Variants in STOX2 observed in about 807,000 individuals in gnomAD.
STOX2 encodes storkhead box 2.
In STOX2, 28 loss-of-function variants were observed where a neutral mutation model predicts 60.9. The ratio of observed to expected loss-of-function variants is 0.46; its 90% CI spans 0.34 to 0.63. The LOEUF is 0.63. Among genes scored for constraint, STOX2 ranks in the 30% least tolerant of loss-of-function variants. STOX2 has a pLI of 0.01. For synonymous variants in STOX2, 472 were observed against 463.9 expected (o/e 1.02, Z -0.22); for missense variants, 1,024 against 1,187.7 (o/e 0.86, Z 2.03).
At chr4:183,974,927 A>G (rs1471578066) in intron 1 of STOX2, among the ~76,000 whole-genome samples, 6 of 152,204 alleles carry the variant, frequency 3.9e-5, no homozygotes, top group Admixed American at 3.3e-4. Flanking sequence ...ATTCAGAAAA[A>G]TAGATGACAG....
chr4:183,858,644 C>T (rs956446990), intron 1 of STOX2, among the ~76,000 whole-genome samples: 3 of 152,182 alleles, frequency 2.0e-5, no homozygotes, highest in Non-Finnish European at 4.4e-5. Context: ...GGGAAAACCA[C>T]ACATTTCACC....
intron 1 of STOX2, among the ~76,000 whole-genome samples, chr4:183,994,583 T>G (rs1733252408): frequency 6.6e-6 from 1 of 152,238 alleles, no homozygotes; most frequent in African/African-American, 2.4e-5. Flanking sequence ...TCTGCTGCAT[T>G]CATATAGGAT....
At chr4:183,900,166 A>G (rs575966394) in intron 1 of STOX2, among the ~76,000 whole-genome samples, 1 of 152,326 alleles carries the variant, frequency 6.6e-6, no homozygotes, top group South Asian at 2.1e-4. Flanking sequence ...CTTTCAAAGT[A>G]TTATTGCTTA....
intron 1 of STOX2, among the ~76,000 whole-genome samples, chr4:183,976,963 C>A (rs1218305288): frequency 6.6e-6 from 1 of 152,170 alleles, no homozygotes; most frequent in African/African-American, 2.4e-5. Context: ...AGAAAAAGTT[C>A]CTAGAATGGC....
chr4:183,866,252 C>T (rs1740564354), intron 1 of STOX2, among the ~76,000 whole-genome samples: 1 of 152,154 alleles, frequency 6.6e-6, no homozygotes, highest in African/African-American at 2.4e-5. Context: ...GATAAGCCCA[C>T]CCCGAGCCTG....
At chr4:183,813,206 A>C (rs1372231680) in intron 1 of STOX2, among the ~76,000 whole-genome samples, 2 of 152,168 alleles carry the variant, frequency 1.3e-5, no homozygotes, top group Non-Finnish European at 2.9e-5. Flanking sequence ...CACATGGTGA[A>C]AACCCGTCTC....
chr4:183,798,299 A>C (rs1399845662), intron 1 of STOX2, among the ~76,000 whole-genome samples: 20 of 150,868 alleles, frequency 1.3e-4, no homozygotes, highest in Non-Finnish European at 2.2e-4. Flanking sequence ...TGCCCGCGGG[A>C]GCCTCCCCGG....
At chr4:183,991,299 A>C (rs1208347092) in intron 1 of STOX2, among the ~76,000 whole-genome samples, 1 of 152,164 alleles carries the variant, frequency 6.6e-6, no homozygotes, top group Non-Finnish European at 1.5e-5. Flanking sequence ...AGACCTCTGC[A>C]CTCTTAGCCT....
intron 1 of STOX2, among the ~76,000 whole-genome samples, chr4:183,852,068 A>AGAAAGGATGAGG (rs1560846179): frequency 9.8e-4 from 6 of 6,126 alleles, no homozygotes; most frequent in Non-Finnish European, 2.1e-3. Flanking sequence ...AAAGGATGAG[A>AGAAAGGATGAGG]GAAAGGATGA....
At position 183,932,460 on chromosome 4, in the gene STOX2, A is replaced by G. The variant is rs557095467; in HGVS notation, c.166+25504A>G. Among the ~76,000 whole-genome samples the G allele has an allele frequency of 8.9e-4, 93 of 104,742 alleles. 15 individuals carry two copies. The highest frequency in any genetic ancestry group is 4.3e-3 in the African/African-American group (82 of 19,154). 68.7% of individuals were successfully genotyped at this position (104,742 alleles called of 152,430 possible). On this transcript the variant is annotated intron_variant, in intron 1 of 3. Transcript: ENST00000308497. Reference sequence around the variant, plus strand: ...ACATACAGTATATGTATGTATACATACAGTATATGTATGTATACATACAGT... The same window carrying G: ...ACATACAGTATATGTATGTATACATGCAGTATATGTATGTATACATACAGT...
chr4:183,932,502 A>C (rs1742468250), intron 1 of STOX2, among the ~76,000 whole-genome samples: 1 of 151,758 alleles, frequency 6.6e-6, no homozygotes, highest in African/African-American at 2.4e-5. Flanking sequence ...ATGTATCAGT[A>C]TACACATTAA....
At chr4:183,984,248 C>G (rs1444547397) in intron 1 of STOX2, among the ~76,000 whole-genome samples, 1 of 152,216 alleles carries the variant, frequency 6.6e-6, no homozygotes, top group African/African-American at 2.4e-5. Flanking sequence ...TTTCTTTCAC[C>G]TGTCCAGATT....
intron 1 of STOX2, among the ~76,000 whole-genome samples, chr4:183,979,663 TAA>T (rs1732577791): frequency 1.3e-5 from 2 of 152,158 alleles, no homozygotes; most frequent in African/African-American, 4.8e-5. Context: ...TTAAATTAAA[TAA>T]AATTAAATAT....
At position 183,986,599 on chromosome 4, in the gene STOX2, T is replaced by G. The variant is rs2111194844; in HGVS notation, c.167-14726T>G. Among the ~76,000 whole-genome samples the G allele has an allele frequency of 2.0e-5, 3 of 152,394 alleles. No homozygotes were observed. The Middle Eastern group carries it at 0.01, about 518-fold the overall frequency. On this transcript the variant is annotated intron_variant, in intron 1 of 3. Transcript: ENST00000308497. The stretch of plus-strand genomic sequence containing the variant: ...TGCATGCCTGCTGAGTGTCCCAGAC[T>G]CTAGGCAGCTAGAGAAGAGCTGATC...
At chr4:183,863,639 C>T (rs1740501035) in intron 1 of STOX2, among the ~76,000 whole-genome samples, 1 of 152,146 alleles carries the variant, frequency 6.6e-6, no homozygotes. Context: ...ACTCTAGGAT[C>T]TCAAAGCAGG....
At chr4:183,841,417 T>C (rs1739859354) in intron 1 of STOX2, among the ~76,000 whole-genome samples, 1 of 152,048 alleles carries the variant, frequency 6.6e-6, no homozygotes, top group Non-Finnish European at 1.5e-5. Flanking sequence ...CTTGCACTGT[T>C]ACCCAGGCTG....
rs2111271687 is a variant in STOX2 at position 184,021,621 on chromosome 4, A to G, written c.*4337A>G. 6.6e-6 allele frequency: 1 copy of G among 152,310 alleles called. No individual in the cohort carries two copies. Among genetic ancestry groups the G allele is most frequent in the East Asian group, 1.9e-4 (1 of 5,186 alleles). 9.4% of individuals were successfully genotyped at this position (152,310 alleles called of 1,614,324 possible). A position where few individuals can be genotyped will look rare whatever the true frequency, so the allele number is the denominator to read the frequency against. ...GTTGCTATAGTTCCCGTGCTAAATC[A>G]CCAGCTTTCAGGAACATGACTGCTC... On this transcript the variant is annotated 3_prime_UTR_variant, in exon 4 of 4. Transcript: ENST00000308497.
upstream of STOX2, among the ~76,000 whole-genome samples, chr4:183,905,096 C>A (rs1200855476): frequency 6.6e-6 from 1 of 152,180 alleles, no homozygotes; most frequent in Non-Finnish European, 1.5e-5. Flanking sequence ...TTTGAAAACC[C>A]AAATCGAGGA....
intron 1 of STOX2, among the ~76,000 whole-genome samples, chr4:183,952,533 C>T (rs1223862144): frequency 6.6e-6 from 1 of 151,968 alleles, no homozygotes; most frequent in African/African-American, 2.4e-5. Context: ...TAAAAATTGT[C>T]CAAATAATTG....
Sources: allele counts gnomAD v4.1 joint callset (sites outside exome capture counted in the v4.1 genomes callset), GRCh38; gene constraint gnomAD v4.1.1; transcripts MANE v1.5; gene names NCBI Gene and HGNC (gene_info 2026-07-23, HGNC 2026-07-21).